TMTC2: variants seen among roughly 807,000 people sequenced by gnomAD.
The protein encoded by TMTC2 is protein O-mannosyl-transferase TMTC2.
Under a neutral mutation model 82.4 loss-of-function variants are expected in TMTC2, and 43 were observed. The ratio of observed to expected loss-of-function variants is 0.52; its 90% CI spans 0.41 to 0.67. The LOEUF (loss-of-function observed/expected upper bound fraction) is 0.67. Ranked by LOEUF, TMTC2 falls within the 30% of genes least tolerant of loss-of-function variation. The probability of loss-of-function intolerance (pLI) is 0.00; values close to 1 mark genes in which losing one functional copy is unlikely to be tolerated. For missense variants in TMTC2, 919 were observed against 1,012.4 expected (o/e 0.91, Z 1.25); for synonymous variants, 408 against 381.9 (o/e 1.07, Z -0.80).
intron 8 of TMTC2, among the ~76,000 whole-genome samples, chr12:83,007,788 T>C (rs1211739532): frequency 6.6e-6 from 1 of 152,222 alleles, no homozygotes; most frequent in Non-Finnish European, 1.5e-5. Context: ...AAGAAAATCT[T>C]GTAGGATTTC....
rs191415855 is a variant in TMTC2 at position 83,032,210 on chromosome 12, T to G, written c.2152+1331T>G. The stretch of plus-strand genomic sequence containing the variant: ...TTCATTTGCCTCATACTGATTCTAC[T>G]TACTGCATCTTCTAAACTTGTTTCC... On this transcript the variant is annotated intron_variant, in intron 9 of 11. Transcript: ENST00000321196. Among the ~76,000 whole-genome samples the G allele has an allele frequency of 2.9e-3, 435 of 149,088 alleles. 3 individuals are homozygous for G. The highest frequency in any genetic ancestry group is 0.01 in the African/African-American group (421 of 40,620).
chr12:82,925,687 A>G (rs1198250299), intron 3 of TMTC2, among the ~76,000 whole-genome samples: 8 of 152,164 alleles, frequency 5.3e-5, no homozygotes, highest in Non-Finnish European at 1.0e-4. Context: ...TGATGTTAAC[A>G]TTGTGACTAT....
intron 1 of TMTC2, among the ~76,000 whole-genome samples, chr12:82,847,346 A>G (rs1408658450): frequency 2.0e-5 from 3 of 152,172 alleles, no homozygotes; most frequent in African/African-American, 7.2e-5. Context: ...CTACATACTT[A>G]AAACAATCTA....
intron 10 of TMTC2, among the ~76,000 whole-genome samples, chr12:83,053,838 A>G (rs1882440144): frequency 6.6e-6 from 1 of 152,150 alleles, no homozygotes; most frequent in African/African-American, 2.4e-5. Context: ...CATTAAAAAC[A>G]TAAGAGCCTC....
At chr12:82,795,294 A>G in intron 1 of TMTC2, among the ~76,000 whole-genome samples, 1 of 147,458 alleles carries the variant, frequency 6.8e-6, no homozygotes, top group South Asian at 2.2e-4. Flanking sequence ...CCTGGGCAAC[A>G]GAGAGAGATT....
intron 3 of TMTC2, among the ~76,000 whole-genome samples, chr12:82,904,780 G>A (rs933251468): frequency 3.9e-5 from 6 of 152,138 alleles, no homozygotes; most frequent in Admixed American, 6.5e-5. Flanking sequence ...AGTTAAATGT[G>A]TGATCACCCT....
chr12:82,749,748 T>TTA (rs1210036039), intron 1 of TMTC2, among the ~76,000 whole-genome samples: 2 of 149,486 alleles, frequency 1.3e-5, no homozygotes, highest in African/African-American at 2.5e-5. Context: ...TCTTTTTTTT[T>TTA]TTTTTTTGAG....
At chr12:83,131,649 A>G (rs1288110595) in intron 11 of TMTC2, among the ~76,000 whole-genome samples, 2 of 152,138 alleles carry the variant, frequency 1.3e-5, no homozygotes, top group Non-Finnish European at 2.9e-5. Context: ...TTGTTGAACA[A>G]CTCAGGTTTG....
At chr12:83,069,176 T>C (rs145721783) in intron 11 of TMTC2, among the ~76,000 whole-genome samples, 110 of 152,182 alleles carry the variant, frequency 7.2e-4, no homozygotes, top group Middle Eastern at 3.4e-3. Context: ...CATACCTTTT[T>C]CAGATAATGA....
chr12:83,025,057 G>A (rs868699271), intron 8 of TMTC2, among the ~76,000 whole-genome samples: 2 of 152,216 alleles, frequency 1.3e-5, no homozygotes, highest in African/African-American at 4.8e-5. Context: ...GCCGGGTGTG[G>A]TGGTGCATGC....
chr12:82,798,636 G>T (rs1878843964), intron 1 of TMTC2, among the ~76,000 whole-genome samples: 1 of 151,388 alleles, frequency 6.6e-6, no homozygotes, highest in African/African-American at 2.4e-5. Flanking sequence ...GTGAAACCCT[G>T]TCTCTACTAA....
intron 1 of TMTC2, among the ~76,000 whole-genome samples, chr12:82,729,860 T>C (rs867009127): frequency 1.3e-5 from 2 of 152,276 alleles, no homozygotes; most frequent in South Asian, 2.1e-4. Context: ...GTAACACTCA[T>C]GGCGAAGGTC....
intron 1 of TMTC2, among the ~76,000 whole-genome samples, chr12:82,782,847 T>A (rs1877975237): frequency 6.6e-6 from 1 of 152,164 alleles, no homozygotes; most frequent in African/African-American, 2.4e-5. Flanking sequence ...TATTCCTAAT[T>A]TTGATAATGT....
At chr12:82,826,771 T>G (rs1264517009) in intron 1 of TMTC2, among the ~76,000 whole-genome samples, 1 of 152,210 alleles carries the variant, frequency 6.6e-6, no homozygotes, top group Non-Finnish European at 1.5e-5. Context: ...TCACTCTTGC[T>G]AACTGAAGAT....
At chr12:82,816,967 T>TC (rs1868773177) in intron 1 of TMTC2, among the ~76,000 whole-genome samples, 1 of 150,058 alleles carries the variant, frequency 6.7e-6, no homozygotes, top group African/African-American at 2.4e-5. Flanking sequence ...TTTCTTTCTT[T>TC]GTTTTTTTTT....
chr12:82,711,494 T>C (rs1873617671), intron 1 of TMTC2, among the ~76,000 whole-genome samples: 1 of 151,952 alleles, frequency 6.6e-6, no homozygotes, highest in African/African-American at 2.4e-5. Flanking sequence ...TTGGGTTGAA[T>C]TGGAAGTGAA....
intron 11 of TMTC2, among the ~76,000 whole-genome samples, chr12:83,093,633 C>T (rs143113234): frequency 6.6e-6 from 1 of 152,126 alleles, no homozygotes; most frequent in South Asian, 2.1e-4. Flanking sequence ...GGAAGCTTTC[C>T]TTGTGGGCTC....
intron 1 of TMTC2, among the ~76,000 whole-genome samples, chr12:82,815,576 T>C (rs893225582): frequency 2.6e-5 from 4 of 152,072 alleles, no homozygotes; most frequent in African/African-American, 9.7e-5. Flanking sequence ...CCTCCCAAAG[T>C]GCTGGGATTA....
intron 3 of TMTC2, among the ~76,000 whole-genome samples, chr12:82,924,296 T>C (rs59473560): frequency 0.04 from 6,100 of 152,284 alleles, 179 homozygotes; most frequent in African/African-American, 0.081. Context: ...GGGTTTTATT[T>C]TGATTGGATA....
Sources: allele counts gnomAD v4.1 joint callset (sites outside exome capture counted in the v4.1 genomes callset), GRCh38; gene constraint gnomAD v4.1.1; transcripts MANE v1.5; gene names NCBI Gene and HGNC (gene_info 2026-07-23, HGNC 2026-07-21).